Variants in PNPLA1 observed in about 807,000 individuals in gnomAD.
PNPLA1 encodes patatin like domain 1, omega-hydroxyceramide transacylase, also known as omega-hydroxyceramide transacylase.
PNPLA1 carries 36 observed loss-of-function variants against 51.7 expected under a neutral mutation model. That is an observed-to-expected ratio of 0.70 (90% CI 0.53 to 0.92). The LOEUF (loss-of-function observed/expected upper bound fraction) is 0.92. Ranked by LOEUF, PNPLA1 falls within the 40% of genes least tolerant of loss-of-function variation. The pLI, the probability that PNPLA1 is intolerant of heterozygous loss-of-function variation, is 0.00. For synonymous variants in PNPLA1, 293 were observed against 280.1 expected, an observed-to-expected ratio of 1.05 and a Z score of -0.46; for missense variants, 658 against 682.5, an observed-to-expected ratio of 0.96 and a Z score of 0.40.
At chr6:36,286,424 C>G (rs1770490078) in intron 1 of PNPLA1, among the ~76,000 whole-genome samples, 1 of 152,030 alleles carries the variant, frequency 6.6e-6, no homozygotes, top group South Asian at 2.1e-4. Flanking sequence ...TTGAGACCAG[C>G]CTTAGCAACA....
chr6:36,244,518 G>A (rs1223753046), intron 1 of PNPLA1, among the ~76,000 whole-genome samples: 1 of 151,966 alleles, frequency 6.6e-6, no homozygotes, highest in African/African-American at 2.4e-5. Flanking sequence ...TCTATTTGGT[G>A]GATGTAGAGG....
At chr6:36,295,571 A>C in intron 5 of PNPLA1, 147 bp downstream of exon 5, 1 of 864,330 alleles carries the variant, frequency 1.2e-6, no homozygotes, top group Non-Finnish European at 1.9e-6. Flanking sequence ...GGGGGTGGGG[A>C]CCTAACAGGC....
upstream of PNPLA1, among the ~76,000 whole-genome samples, chr6:36,267,200 G>A (rs1197492573): frequency 6.6e-6 from 1 of 152,240 alleles, no homozygotes; most frequent in South Asian, 2.1e-4. Context: ...ATGCTGGAAA[G>A]TGATTCTTCC....
intron 1 of PNPLA1, among the ~76,000 whole-genome samples, chr6:36,254,165 TA>T (rs1013302255): frequency 2.6e-5 from 4 of 152,348 alleles, no homozygotes; most frequent in African/African-American, 9.6e-5. Context: ...AATAAACCTT[TA>T]AATAATGCTT....
intron 5 of PNPLA1, among the ~76,000 whole-genome samples, chr6:36,300,174 TGTGTGA>T (rs1208531855): frequency 4.2e-5 from 3 of 71,540 alleles, no homozygotes; most frequent in African/African-American, 1.2e-4. Flanking sequence ...TGTGTGTGTG[TGTGTGA>T]GAGAGAGAGA....
intron 1 of PNPLA1, among the ~76,000 whole-genome samples, chr6:36,287,396 G>A (rs1315632193): frequency 1.3e-5 from 2 of 152,118 alleles, no homozygotes; most frequent in Non-Finnish European, 2.9e-5. Flanking sequence ...GGTGGGCTGA[G>A]GGGTGGGAGC....
At chr6:36,256,456 T>C (rs1035741999) in intron 1 of PNPLA1, among the ~76,000 whole-genome samples, 12 of 152,190 alleles carry the variant, frequency 7.9e-5, no homozygotes, top group Non-Finnish European at 1.6e-4. Context: ...TATATTTATT[T>C]ATTTATTTTC....
At chr6:36,282,138 A>AAGG (rs1183882673) in intron 1 of PNPLA1, among the ~76,000 whole-genome samples, 16 of 147,964 alleles carry the variant, frequency 1.1e-4, no homozygotes, top group African/African-American at 3.8e-4. Context: ...GGAAGGAAGG[A>AAGG]AAGAGAGACA....
Position 36,273,240 on chromosome 6 carries a change from A to AGATAAATAAAT in PNPLA1, c.205+2576_205+2577insGATAAATAAAT, listed in dbSNP as rs1181785302. ...GGGTAACAAAGCCAGACTCTGTCTC[A>AGATAAATAAAT]AATAAATAAATAATAAATAAATAAA... On this transcript the variant is annotated intron_variant, in intron 1 of 8. Coordinates refer to ENST00000636260, the MANE Select transcript of PNPLA1 (RefSeq NM_001374623.1). Among the ~76,000 whole-genome samples the AGATAAATAAAT allele has an allele frequency of 5.6e-4, 73 of 130,468 alleles. 1 individual carries two copies. Among genetic ancestry groups the AGATAAATAAAT allele is most frequent in the Middle Eastern group, 3.8e-3 (1 of 262 alleles). 85.6% of individuals were successfully genotyped at this position (130,468 alleles called of 152,430 possible). A position where few individuals can be genotyped will look rare whatever the true frequency, so the allele number is the denominator to read the frequency against.
chr6:36,276,746 G>A (rs1055933942), intron 1 of PNPLA1, among the ~76,000 whole-genome samples: 45 of 137,028 alleles, frequency 3.3e-4, no homozygotes, highest in African/African-American at 1.1e-3. Context: ...TCCTTTCTTC[G>A]TTCGTTCGTT....
chr6:36,257,946 C>T (rs952059584), intron 1 of PNPLA1, among the ~76,000 whole-genome samples: 2 of 152,194 alleles, frequency 1.3e-5, no homozygotes, highest in African/African-American at 4.8e-5. Context: ...AACTCTCAAA[C>T]TGAAAATGCT....
At chr6:36,258,859 G>A (rs7759056) in intron 1 of PNPLA1, among the ~76,000 whole-genome samples, 24,804 of 152,160 alleles carry the variant, frequency 0.16, 2,534 homozygotes, top group East Asian at 0.45. Flanking sequence ...CGCTCTCCAA[G>A]TGCTTATCCC....
At chr6:36,293,881 G>A (rs1462490440) in intron 3 of PNPLA1, among the ~76,000 whole-genome samples, 1 of 152,164 alleles carries the variant, frequency 6.6e-6, no homozygotes. Context: ...TTTACCCAGA[G>A]TATGGGTCCC....
In PNPLA1 at chr6:36,301,926, A is replaced by G; in HGVS notation, c.841A>G (p.Ile281Val). The change falls in exon 6 of 9, where the codon ATA (isoleucine) becomes GTA (valine). Residue 281 changes from isoleucine to valine, a missense_variant. By Grantham distance (29) the Ile-to-Val change is conservative (BLOSUM62 3). Coordinates refer to ENST00000636260, the MANE Select transcript of PNPLA1 (RefSeq NM_001374623.1). ...IFPRVEVYCQ[I>V]ELALGNECPE... is the part of the protein sequence containing the mutation. The stretch of plus-strand genomic sequence containing the variant: ...CCCCCGGGTGGAAGTGTACTGCCAG[A>G]TAGAACTCGCCCTTGGCAATGAGTG... 1 of 1,614,188 alleles carries G rather than the reference A, an allele frequency of 6.2e-7. No homozygotes were observed. Among genetic ancestry groups the G allele is most frequent in the Non-Finnish European group, 8.5e-7 (1 of 1,180,040 alleles).
At chr6:36,299,400 T>C (rs1485168284) in intron 5 of PNPLA1, among the ~76,000 whole-genome samples, 1 of 150,090 alleles carries the variant, frequency 6.7e-6, no homozygotes, top group Admixed American at 6.7e-5. Context: ...AGTGGCATGA[T>C]CTCGGCTCAC....
intron 8 of PNPLA1, among the ~76,000 whole-genome samples, chr6:36,309,719 G>A (rs1196104488): frequency 1.3e-5 from 2 of 152,226 alleles, no homozygotes; most frequent in Non-Finnish European, 1.5e-5. Flanking sequence ...GTTGTCTGCT[G>A]CGTTCCTTTA....
At chr6:36,244,545 G>T (rs1007234855) in intron 1 of PNPLA1, among the ~76,000 whole-genome samples, 1 of 152,076 alleles carries the variant, frequency 6.6e-6, no homozygotes, top group Non-Finnish European at 1.5e-5. Context: ...CCGACCTTAT[G>T]CAGTTACAAC....
intron 1 of PNPLA1, among the ~76,000 whole-genome samples, chr6:36,281,420 T>C (rs1770278185): frequency 6.6e-6 from 1 of 152,176 alleles, no homozygotes; most frequent in South Asian, 2.1e-4. Flanking sequence ...TAACAGCTAT[T>C]TACCAAGCAC....
At chr6:36,283,587 G>A (rs924039207) in intron 1 of PNPLA1, among the ~76,000 whole-genome samples, 1 of 152,080 alleles carries the variant, frequency 6.6e-6, no homozygotes, top group Admixed American at 6.5e-5. Context: ...TTAAGCCCGG[G>A]AGTTCAAGTC....
Sources: allele counts gnomAD v4.1 joint callset (sites outside exome capture counted in the v4.1 genomes callset), GRCh38; gene constraint gnomAD v4.1.1; transcripts MANE v1.5; gene names NCBI Gene and HGNC (gene_info 2026-07-23, HGNC 2026-07-21).